Variants in TUSC3 observed in about 807,000 individuals in gnomAD.
TUSC3 encodes dolichyl-diphosphooligosaccharide--protein glycosyltransferase subunit TUSC3.
In TUSC3, 45 loss-of-function variants were observed where a neutral mutation model predicts 44.8. That is an observed-to-expected ratio of 1.00 (90% confidence interval 0.79 to 1.29). The LOEUF (loss-of-function observed/expected upper bound fraction) is 1.29, where lower values mean the gene tolerates loss of function less well. TUSC3 is among the 50% of genes most tolerant of loss of function. The pLI is 0.00. For missense variants in TUSC3, 519 were observed against 437.9 expected (o/e 1.19, Z -1.65); for synonymous variants, 212 against 152.9 (o/e 1.39, Z -2.85).
At chr8:15,698,323 T>C (rs1030210886) in intron 6 of TUSC3, among the ~76,000 whole-genome samples, 4 of 152,192 alleles carry the variant, frequency 2.6e-5, no homozygotes, top group African/African-American at 4.8e-5. Context: ...CAAGAATCAG[T>C]TAAAAACTCT....
the TUSC3 span, among the ~76,000 whole-genome samples, chr8:15,816,280 G>T: frequency 6.6e-6 from 1 of 152,096 alleles, no homozygotes; most frequent in Non-Finnish European, 1.5e-5. Context: ...TAGTGGAAAG[G>T]CTCATTCTTT....
downstream of TUSC3, among the ~76,000 whole-genome samples, chr8:15,770,812 C>T (rs1331936089): frequency 1.3e-5 from 2 of 151,898 alleles, no homozygotes; most frequent in East Asian, 1.9e-4. Context: ...AGTATAAATA[C>T]GAGTCCCAGA....
chr8:15,441,999 G>T (rs961905165), intron 1 of TUSC3, among the ~76,000 whole-genome samples: 3 of 152,112 alleles, frequency 2.0e-5, no homozygotes, highest in Non-Finnish European at 4.4e-5. Context: ...AAGTTGGTTT[G>T]TTCTTATCAT....
At chr8:15,763,159 A>G (rs1812223306) in intron 10 of TUSC3, among the ~76,000 whole-genome samples, 1 of 151,754 alleles carries the variant, frequency 6.6e-6, no homozygotes, top group Non-Finnish European at 1.5e-5. Context: ...GTTTTATACT[A>G]AAATGTTACA....
At chr8:15,787,199 T>G in the TUSC3 span, among the ~76,000 whole-genome samples, 1 of 152,170 alleles carries the variant, frequency 6.6e-6, no homozygotes, top group Non-Finnish European at 1.5e-5. Flanking sequence ...TAGAGTGTGT[T>G]AAATTCTTAG....
At chr8:15,541,074 C>T (rs1465296552) in intron 1 of TUSC3, among the ~76,000 whole-genome samples, 1 of 152,128 alleles carries the variant, frequency 6.6e-6, no homozygotes, top group East Asian at 1.9e-4. Context: ...AATAAGCTTG[C>T]ATTTTTTATT....
chr8:15,728,386 G>C (rs998313543), intron 6 of TUSC3, among the ~76,000 whole-genome samples: 1 of 149,378 alleles, frequency 6.7e-6, no homozygotes, highest in Non-Finnish European at 1.5e-5. Flanking sequence ...GCGGTGAAAA[G>C]TGGTTGAATT....
At chr8:15,758,412 TA>T in intron 10 of TUSC3, 1 of 329,280 alleles carries the variant, frequency 3.0e-6, no homozygotes, top group Non-Finnish European at 4.3e-6. Context: ...AATATAATTT[TA>T]TATGTATGTA....
Position 15,567,513 on chromosome 8 carries a change from G to C in TUSC3, c.138+26945G>C, listed in dbSNP as rs547887884. On this transcript the variant is annotated intron_variant, in intron 1 of 10. Coordinates refer to ENST00000503731, the MANE Select transcript of TUSC3 (RefSeq NM_006765.4). ...CTTAAGATTCCTCTTAAATAGTTAA[G>C]TATCATAATCCTGACAGGTCTTCAA... is the stretch of plus-strand genomic sequence containing the variant. Among the ~76,000 whole-genome samples, 4 of 152,228 alleles carry C rather than the reference G, an allele frequency of 2.6e-5. No homozygotes were observed. In the South Asian group the frequency reaches 8.3e-4, roughly 32 times the overall value.
chr8:15,635,448 G>A (rs1160534067), intron 2 of TUSC3, among the ~76,000 whole-genome samples: 1 of 152,132 alleles, frequency 6.6e-6, no homozygotes, highest in Non-Finnish European at 1.5e-5. Flanking sequence ...TTACCTATTG[G>A]CTTATGTTTT....
At chr8:15,679,747 C>A (rs1487152141) in intron 6 of TUSC3, among the ~76,000 whole-genome samples, 1 of 151,978 alleles carries the variant, frequency 6.6e-6, no homozygotes, top group Non-Finnish European at 1.5e-5. Context: ...GTCTTTAATC[C>A]ATCTTGAGTT....
At chr8:15,791,117 A>G in the TUSC3 span, among the ~76,000 whole-genome samples, 2 of 152,144 alleles carry the variant, frequency 1.3e-5, no homozygotes, top group African/African-American at 2.4e-5. Flanking sequence ...AAAATTCACA[A>G]TATTCCCCCA....
intron 1 of TUSC3, among the ~76,000 whole-genome samples, chr8:15,562,263 T>G (rs760729770): frequency 3.3e-5 from 5 of 152,254 alleles, no homozygotes; most frequent in Non-Finnish European, 5.9e-5. Context: ...TTATCATTCG[T>G]GGATGGTATA....
At position 15,552,333 on chromosome 8, in the gene TUSC3, C is replaced by A. The variant is rs182049385; in HGVS notation, c.138+11765C>A. On this transcript the variant is annotated intron_variant, in intron 1 of 10. Transcript: ENST00000503731. ...GTGAATACTACATGTTAGGTAGGTA[C>A]AGTGCTGGATTTTGAAGGTAGAGTG... Among the ~76,000 whole-genome samples, 179 of 151,708 alleles carry A rather than the reference C, an allele frequency of 1.2e-3. 5 individuals are homozygous for A. Among genetic ancestry groups the A allele is most frequent in the African/African-American group, 4.1e-3 (172 of 41,468 alleles).
intron 2 of TUSC3, among the ~76,000 whole-genome samples, chr8:15,494,942 A>G (rs1406998960): frequency 6.6e-6 from 1 of 152,162 alleles, no homozygotes; most frequent in Non-Finnish European, 1.5e-5. Context: ...TTCTCTTAAT[A>G]GCAAAAACAT....
At chr8:15,686,478 T>G (rs1808632674) in intron 6 of TUSC3, among the ~76,000 whole-genome samples, 1 of 152,114 alleles carries the variant, frequency 6.6e-6, no homozygotes, top group Non-Finnish European at 1.5e-5. Flanking sequence ...AGTCTAAAAT[T>G]TATCATCGAG....
At position 15,623,268 on chromosome 8, in the gene TUSC3, A is replaced by T. The variant is rs184299675; in HGVS notation, c.308+19A>T. On this transcript the variant is annotated intron_variant, in intron 2 of 10. Transcript: ENST00000503731. ...TGTGCAGGTAATTTATGTAATTAAA[A>T]AATATTAAAAACTATTATTCTTGGT... 2 of 1,563,162 alleles carry T rather than the reference A, an allele frequency of 1.3e-6. No individual in the cohort carries two copies. Among genetic ancestry groups the T allele is most frequent in the East Asian group, 4.6e-5 (2 of 43,206 alleles).
At chr8:15,599,074 T>C (rs1210665851) in intron 1 of TUSC3, among the ~76,000 whole-genome samples, 2 of 151,884 alleles carry the variant, frequency 1.3e-5, no homozygotes, top group African/African-American at 4.8e-5. Context: ...TGAATGAGAA[T>C]TCCTGCTGCT....
At chr8:15,679,340 G>A (rs561891950) in intron 6 of TUSC3, among the ~76,000 whole-genome samples, 139 of 151,896 alleles carry the variant, frequency 9.2e-4, no homozygotes, top group Admixed American at 2.4e-3. Flanking sequence ...TTTGATTGGC[G>A]TTTCTCTGAT....
Sources: gnomAD v4.1 joint callset for allele counts (sites outside exome capture counted in the v4.1 genomes callset) on GRCh38, gnomAD v4.1.1 for gene constraint, MANE v1.5 for transcripts, NCBI Gene and HGNC (gene_info 2026-07-23, HGNC 2026-07-21) for gene names.